The following MAPKAP1 variants were observed in gnomAD, a reference collection of about 807,000 sequenced individuals.
MAPKAP1 encodes the protein MAPK associated protein 1.
Under a neutral mutation model 65.7 loss-of-function variants are expected in MAPKAP1, and 20 were observed. The observed-to-expected ratio is 0.30, with a 90% CI of 0.21 to 0.44. The LOEUF is 0.44. Among genes scored for constraint, MAPKAP1 ranks in the 20% least tolerant of loss-of-function variants. The pLI is 1.00. For synonymous variants in MAPKAP1, 222 were observed against 244.3 expected (o/e 0.91, Z 0.85); for missense variants, 423 against 648.0 (o/e 0.65, Z 3.77).
chr9:125,666,470 A>G (rs1160845531), intron 3 of MAPKAP1, among the ~76,000 whole-genome samples: 3 of 152,228 alleles, frequency 2.0e-5, no homozygotes, highest in African/African-American at 7.2e-5. Context: ...AGAAAAACAA[A>G]TGAAAGGATT....
intron 1 of MAPKAP1, among the ~76,000 whole-genome samples, chr9:125,675,360 T>G (rs993354687): frequency 1.3e-5 from 2 of 152,134 alleles, no homozygotes; most frequent in African/African-American, 4.8e-5. Flanking sequence ...GTGACAAAAG[T>G]ATACTGAAGT....
At position 125,484,597 on chromosome 9, in the gene MAPKAP1, G is replaced by T; in HGVS notation, c.1067-14C>A. The T allele has an allele frequency of 6.2e-7, 1 of 1,602,828 alleles. No homozygotes were observed. The highest frequency in any genetic ancestry group is 1.7e-4 in the Middle Eastern group (1 of 6,034). ...CTGCCCTTGAACCTGGGGAGGAAAA[G>T]GCAGTTTAACACATAAAGATACATG... On this transcript the variant is annotated splice_polypyrimidine_tract_variant and intron_variant, in intron 8 of 11. Coordinates refer to ENST00000265960, the MANE Select transcript of MAPKAP1 (RefSeq NM_001006617.3).
chr9:125,591,625 G>A (rs1376989347), intron 4 of MAPKAP1, among the ~76,000 whole-genome samples: 2 of 152,298 alleles, frequency 1.3e-5, no homozygotes, highest in East Asian at 3.9e-4. Context: ...AGGAAATGAT[G>A]ATGGGAAAAG....
intron 4 of MAPKAP1, among the ~76,000 whole-genome samples, chr9:125,636,800 T>C (rs1421172301): frequency 6.6e-6 from 1 of 152,222 alleles, no homozygotes; most frequent in African/African-American, 2.4e-5. Context: ...CAAGAGAAGC[T>C]AACTTCTTAC....
At chr9:125,704,609 T>C (rs1835703756) in intron 1 of MAPKAP1, among the ~76,000 whole-genome samples, 1 of 152,206 alleles carries the variant, frequency 6.6e-6, no homozygotes, top group South Asian at 2.1e-4. Context: ...GAAGTATTTA[T>C]TAACTGGAAA....
At chr9:125,479,823 G>A (rs550775402) in intron 9 of MAPKAP1, among the ~76,000 whole-genome samples, 1 of 152,266 alleles carries the variant, frequency 6.6e-6, no homozygotes, top group African/African-American at 2.4e-5. Context: ...CAGGGATGCT[G>A]GGCAAATGCC....
At chr9:125,540,880 C>T (rs759455221) in intron 7 of MAPKAP1, among the ~76,000 whole-genome samples, 1 of 151,774 alleles carries the variant, frequency 6.6e-6, no homozygotes, top group Admixed American at 6.6e-5. Flanking sequence ...AATCACTCTC[C>T]AAAAAAAAGT....
At chr9:125,558,784 A>C (rs569029647) in intron 6 of MAPKAP1, among the ~76,000 whole-genome samples, 1 of 152,244 alleles carries the variant, frequency 6.6e-6, no homozygotes, top group Non-Finnish European at 1.5e-5. Context: ...AGGAGCTCAT[A>C]AACTTGAATG....
chr9:125,445,247 C>T (rs541915197), intron 10 of MAPKAP1, among the ~76,000 whole-genome samples: 6 of 152,310 alleles, frequency 3.9e-5, no homozygotes, highest in East Asian at 3.9e-4. Flanking sequence ...CTCCATGCCC[C>T]GTCCTACCAC....
chr9:125,576,463 A>T (rs10986808), intron 5 of MAPKAP1, among the ~76,000 whole-genome samples: 2,438 of 152,160 alleles, frequency 0.016, 101 homozygotes, highest in East Asian at 0.11. Context: ...AAATTTTTTT[A>T]AAAAAACGAA....
intron 10 of MAPKAP1, among the ~76,000 whole-genome samples, chr9:125,456,051 C>A (rs972355530): frequency 6.6e-6 from 1 of 152,126 alleles, no homozygotes; most frequent in Non-Finnish European, 1.5e-5. Flanking sequence ...TTTCTTTTAG[C>A]ATTTTAGAGG....
chr9:125,552,063 A>G (rs1039814534), intron 6 of MAPKAP1, among the ~76,000 whole-genome samples: 1 of 152,206 alleles, frequency 6.6e-6, no homozygotes, highest in African/African-American at 2.4e-5. Flanking sequence ...CCTCTCTGAC[A>G]CTACTGATAT....
intron 4 of MAPKAP1, among the ~76,000 whole-genome samples, chr9:125,590,857 T>C (rs1015565749): frequency 2.0e-5 from 3 of 151,696 alleles, no homozygotes; most frequent in Non-Finnish European, 4.4e-5. Context: ...CAATGCAACC[T>C]CCACCTCCCA....
chr9:125,443,683 GCCAGCCCCGCCAGCTCCC>G (rs1046642329), intron 11 of MAPKAP1, among the ~76,000 whole-genome samples: 1 of 144,952 alleles, frequency 6.9e-6, no homozygotes, highest in African/African-American at 2.6e-5. Context: ...GCCTAGCCCC[GCCAGCCCCGCCAGCTCCC>G]CCAGCCCCCC....
chr9:125,474,172 C>T (rs138831953), intron 9 of MAPKAP1, among the ~76,000 whole-genome samples: 1,736 of 152,220 alleles, frequency 0.011, 32 homozygotes, highest in Admixed American at 0.048. Flanking sequence ...AATTGGAGGG[C>T]GAGAAGAATT....
At chr9:125,689,702 G>A (rs1835106520) in intron 1 of MAPKAP1, among the ~76,000 whole-genome samples, 1 of 146,792 alleles carries the variant, frequency 6.8e-6, no homozygotes, top group Non-Finnish European at 1.5e-5. Context: ...TCGCACCACT[G>A]CACTCCAGCC....
At chr9:125,485,272 G>A (rs1854463532) in intron 8 of MAPKAP1, among the ~76,000 whole-genome samples, 1 of 152,130 alleles carries the variant, frequency 6.6e-6, no homozygotes, top group African/African-American at 2.4e-5. Context: ...TGGTCACCAG[G>A]CTCTTCCTCT....
Position 125,595,631 on chromosome 9 carries a change from C to A in MAPKAP1, c.499-9904G>T, listed in dbSNP as rs554631747. On this transcript the variant is annotated intron_variant, in intron 4 of 11. Transcript: ENST00000265960. This position sits in a 1 kb window ranked among gnomAD's most constrained non-coding sequence, Gnocchi z 4.0. ...TTACTCCTTTCTGCCTGTGGACACG[C>A]CAAGGAAGCATCGTTAAAGTCTCTC... 22 of 1,440,222 alleles carry A rather than the reference C, an allele frequency of 1.5e-5. No individual in the cohort carries two copies. In the African/African-American group the frequency reaches 2.1e-4, roughly 14 times the overall value. 89.2% of individuals were successfully genotyped at this position (1,440,222 alleles called of 1,614,324 possible).
At chr9:125,611,508 A>G (rs530969487) in intron 4 of MAPKAP1, among the ~76,000 whole-genome samples, 1 of 152,326 alleles carries the variant, frequency 6.6e-6, no homozygotes, top group East Asian at 1.9e-4. Context: ...GTTCGGAGGC[A>G]ATGTCTGAAA....
Sources: gnomAD v4.1 joint callset for allele counts (sites outside exome capture counted in the v4.1 genomes callset) on GRCh38, gnomAD v4.1.1 for gene constraint, Gnocchi (gnomAD v3.1) non-coding constraint, MANE v1.5 for transcripts, NCBI Gene and HGNC (gene_info 2026-07-23, HGNC 2026-07-21) for gene names.